Variants in STARD9 observed in about 807,000 individuals in gnomAD.
STARD9 encodes the protein stAR-related lipid transfer protein 9.
A neutral mutation model predicts 399.8 loss-of-function variants in STARD9; 346 were observed. The observed-to-expected ratio is 0.87, with a 90% CI of 0.79 to 0.95. The LOEUF (loss-of-function observed/expected upper bound fraction) is 0.95. STARD9 is among the 40% of genes least tolerant of loss of function. The pLI, the probability that STARD9 is intolerant of heterozygous loss-of-function variation, is 0.00. For missense variants in STARD9, 5,832 were observed against 5,667.5 expected, an observed-to-expected ratio of 1.03 and a Z score of -0.93; for synonymous variants, 2,203 against 2,143.5, an observed-to-expected ratio of 1.03 and a Z score of -0.77.
In STARD9 at chr15:42,692,319, A is replaced by C. The variant is rs556954295; in HGVS notation, c.10741A>C (p.Thr3581Pro). ...IPTSPEGVAP[T>P]SGHDRRPQFR... ...GACGAGCCCTGAAGGAGTAGCCCCC[A>C]CTTCGGGTCATGACAGAAGGCCTCA... Residue 3581 changes from threonine (T) to proline (P), a missense_variant, in exon 23 of 33, where the codon ACT (threonine) becomes CCT (proline). By Grantham distance (38) the Thr-to-Pro change is conservative (BLOSUM62 -1). This residue lies in a region of STARD9 where 5,828 missense variants were observed against 5,651.1 expected (regional missense o/e 1.03). Transcript: ENST00000290607. 27 of 1,536,954 alleles carry C rather than the reference A, an allele frequency of 1.8e-5. No homozygotes were observed. In the African/African-American group the frequency reaches 3.3e-4, roughly 19 times the overall value.
At chr15:42,611,662 C>T (rs183918765) in intron 3 of STARD9, among the ~76,000 whole-genome samples, 2 of 152,342 alleles carry the variant, frequency 1.3e-5, no homozygotes, top group East Asian at 3.9e-4. Flanking sequence ...TCTCATACAA[C>T]TGCTCTTCAG....
intron 7 of STARD9, among the ~76,000 whole-genome samples, chr15:42,640,872 T>C (rs1344809725): frequency 1.4e-5 from 2 of 143,384 alleles, no homozygotes; most frequent in African/African-American, 2.6e-5. Context: ...GGAGTAACCA[T>C]AGGAGACCTC....
intron 3 of STARD9, among the ~76,000 whole-genome samples, chr15:42,591,482 C>A (rs2058392269): frequency 6.8e-6 from 1 of 146,604 alleles, no homozygotes; most frequent in African/African-American, 2.6e-5. Flanking sequence ...AGCAAGAGTC[C>A]ATCTTAAAAA....
intron 14 of STARD9, 55 bp from the exon 15 acceptor site, chr15:42,665,731 C>A: frequency 7.0e-7 from 1 of 1,426,802 alleles, no homozygotes; most frequent in Non-Finnish European, 9.6e-7. Flanking sequence ...AAGGGTGGGA[C>A]CTACCTGAAG....
At chr15:42,600,001 A>G (rs2058590084) in intron 3 of STARD9, among the ~76,000 whole-genome samples, 1 of 152,158 alleles carries the variant, frequency 6.6e-6, no homozygotes, top group Non-Finnish European at 1.5e-5. Context: ...GTTGGAGGGG[A>G]CAGCTTAAAG....
At position 42,585,654 on chromosome 15, in the gene STARD9, T is replaced by C. The variant is rs752723155; in HGVS notation, c.234+17T>C. On this transcript the variant is annotated intron_variant, in intron 3 of 32. Coordinates refer to ENST00000290607, the MANE Select transcript of STARD9 (RefSeq NM_020759.3). ...CAAGATGTGGTAATATCATTTATCA[T>C]TTTTCTTTCACCTCAGTTCTTTTTT... is the stretch of plus-strand genomic sequence containing the variant. The C allele has an allele frequency of 6.9e-6, 10 of 1,443,284 alleles. No individual in the cohort carries two copies. The African/African-American group carries it at 1.3e-4, about 18-fold the overall frequency. The allele number at this position is 1,443,284 out of a possible 1,614,324, so 89.4% of individuals were successfully genotyped here.
At chr15:42,647,348 A>G (rs1161732995) in intron 7 of STARD9, among the ~76,000 whole-genome samples, 4 of 152,134 alleles carry the variant, frequency 2.6e-5, no homozygotes, top group Non-Finnish European at 5.9e-5. Flanking sequence ...AAACTTTCCT[A>G]CTATGAGTAT....
chr15:42,663,597 C>T (rs1230978119), intron 12 of STARD9, 107 bp downstream of exon 12: 12 of 618,036 alleles, frequency 1.9e-5, no homozygotes, highest in Non-Finnish European at 3.4e-5. Flanking sequence ...TGTGTTGGGA[C>T]TGGTACTCTA....
At chr15:42,622,987 C>T (rs2059121158) in intron 3 of STARD9, among the ~76,000 whole-genome samples, 1 of 152,204 alleles carries the variant, frequency 6.6e-6, no homozygotes, top group Non-Finnish European at 1.5e-5. Flanking sequence ...CGTGGTAGCT[C>T]ACGCCTGTAA....
intron 1 of STARD9, chr15:42,581,611 T>G: frequency 1.3e-5 from 9 of 668,652 alleles, no homozygotes; most frequent in East Asian, 2.8e-5. Context: ...CTTCCTCTAG[T>G]TCCCTCGTCT....
intron 28 of STARD9, 87 bp downstream of exon 28, chr15:42,717,135 G>GGTGT: frequency 6.9e-7 from 1 of 1,442,458 alleles, no homozygotes; most frequent in Non-Finnish European, 9.3e-7. Flanking sequence ...AAAAAAGCTG[G>GGTGT]GCAGATGAGG....
chr15:42,612,582 T>C (rs187519157), intron 3 of STARD9, among the ~76,000 whole-genome samples: 80 of 152,326 alleles, frequency 5.3e-4, no homozygotes, highest in African/African-American at 1.9e-3. Context: ...TAGAGCTAGA[T>C]GTCCATCTGT....
chr15:42,686,684 G>T lies in STARD9; in HGVS notation c.5106G>T (p.Gln1702His). 6.5e-7 allele frequency: 1 copy of T among 1,537,744 alleles called. No homozygotes were observed. Among genetic ancestry groups the T allele is most frequent in the Non-Finnish European group, 8.7e-7 (1 of 1,147,030 alleles). The change falls in exon 23 of 33, where the codon CAG (glutamine) becomes CAT (histidine). Residue 1702 changes from glutamine (Q) to histidine (H), a missense_variant. Physicochemically the swap from Gln to His is conservative, Grantham distance 24 (BLOSUM62 0). Transcript: ENST00000290607. ...YPLEEEKTDC[Q>H]ESSKEAVRRH... ...TAGAGGAAGAGAAGACAGATTGCCAGGAGAGCTCTAAGGAAGCAGTTAGAA... is the reference window on the plus strand; with the variant it reads ...TAGAGGAAGAGAAGACAGATTGCCATGAGAGCTCTAAGGAAGCAGTTAGAA...
At chr15:42,708,750 T>C (rs954714636) in intron 26 of STARD9, among the ~76,000 whole-genome samples, 1 of 152,096 alleles carries the variant, frequency 6.6e-6, no homozygotes, top group African/African-American at 2.4e-5. Flanking sequence ...CTGAGACATG[T>C]ATGTGAAAAC....
intron 4 of STARD9, among the ~76,000 whole-genome samples, chr15:42,636,164 G>C (rs985640095): frequency 6.6e-6 from 1 of 152,088 alleles, no homozygotes; most frequent in East Asian, 1.9e-4. Flanking sequence ...GGGTGTGGGG[G>C]CACATCCTGT....
chr15:42,680,378 TC>T (rs2060402788), intron 20 of STARD9, among the ~76,000 whole-genome samples: 1 of 152,028 alleles, frequency 6.6e-6, no homozygotes, highest in Non-Finnish European at 1.5e-5. Flanking sequence ...GGTGGGGAGA[TC>T]ACTTGAGGTA....
At chr15:42,622,369 G>C (rs1462890301) in intron 3 of STARD9, among the ~76,000 whole-genome samples, 6 of 151,360 alleles carry the variant, frequency 4.0e-5, no homozygotes, top group Non-Finnish European at 7.4e-5. Context: ...CTCTCTCTCT[G>C]TCTCTCTCTT....
At chr15:42,677,488 C>G (rs2060334707) in intron 20 of STARD9, among the ~76,000 whole-genome samples, 1 of 152,170 alleles carries the variant, frequency 6.6e-6, no homozygotes, top group South Asian at 2.1e-4. Flanking sequence ...GAGTGACTTT[C>G]CTTTTTTGTA....
intron 9 of STARD9, among the ~76,000 whole-genome samples, chr15:42,653,431 C>G (rs967645630): frequency 1.3e-5 from 2 of 152,090 alleles, no homozygotes; most frequent in African/African-American, 4.8e-5. Flanking sequence ...CTAAGAAGCT[C>G]AAAGGACTCC....
Sources: gnomAD v4.1 joint callset for allele counts (sites outside exome capture counted in the v4.1 genomes callset) on GRCh38, gnomAD v4.1.1 for gene constraint, gnomAD v4.1.1 regional missense constraint, MANE v1.5 for transcripts, NCBI Gene and HGNC (gene_info 2026-07-23, HGNC 2026-07-21) for gene names.